The following CSMD1 variants were observed in gnomAD, a reference collection of about 807,000 sequenced individuals.
The protein encoded by CSMD1 is CUB and sushi domain-containing protein 1.
A neutral mutation model predicts 417.5 loss-of-function variants in CSMD1; 213 were observed. That is an observed-to-expected ratio of 0.51 (90% CI 0.46 to 0.57). CSMD1 has a LOEUF of 0.57. Among genes scored for constraint, CSMD1 ranks in the 20% least tolerant of loss-of-function variants. CSMD1 has a pLI of 0.00. For missense variants in CSMD1, 6,923 were observed against 4,529.7 expected, an observed-to-expected ratio of 1.53 and a Z score of -15.17; for synonymous variants, 2,862 against 1,736.8, an observed-to-expected ratio of 1.65 and a Z score of -16.11.
chr8:3,090,316 C>CAAAAAAAAAAAAAAAAA (rs35534326), intron 48 of CSMD1, among the ~76,000 whole-genome samples: 1 of 79,788 alleles, frequency 1.3e-5, no homozygotes, highest in African/African-American at 4.6e-5. Context: ...GACTGTATTT[C>CAAAAAAAAAAAAAAAAA]AAAAAAAAAA....
chr8:4,453,472 G>A (rs903838302), intron 2 of CSMD1, among the ~76,000 whole-genome samples: 8 of 152,306 alleles, frequency 5.3e-5, no homozygotes, highest in East Asian at 3.9e-4. Flanking sequence ...GTGATGCGAA[G>A]TCTGGCTGAA....
intron 3 of CSMD1, among the ~76,000 whole-genome samples, chr8:4,253,328 T>C (rs1167468588): frequency 6.6e-6 from 1 of 152,182 alleles, no homozygotes; most frequent in Non-Finnish European, 1.5e-5. Flanking sequence ...TTTTTTCCCC[T>C]ACTATAGAAC....
At chr8:4,661,060 G>T (rs1198497237) in intron 1 of CSMD1, among the ~76,000 whole-genome samples, 1 of 152,152 alleles carries the variant, frequency 6.6e-6, no homozygotes, top group African/African-American at 2.4e-5. Flanking sequence ...ACAGTTGGCA[G>T]TTTCTTTATA....
chr8:4,482,709 C>T (rs1457375591), intron 2 of CSMD1, among the ~76,000 whole-genome samples: 1 of 152,160 alleles, frequency 6.6e-6, no homozygotes, highest in Non-Finnish European at 1.5e-5. Context: ...TACACTCCCA[C>T]CAACAGTGTA....
At chr8:4,369,907 G>C (rs137902909) in intron 3 of CSMD1, among the ~76,000 whole-genome samples, 1 of 152,202 alleles carries the variant, frequency 6.6e-6, no homozygotes, top group East Asian at 1.9e-4. Context: ...TGGGTAAAAT[G>C]TATTTTATGC....
At chr8:4,186,990 A>G (rs1381168081) in intron 3 of CSMD1, among the ~76,000 whole-genome samples, 3 of 152,182 alleles carry the variant, frequency 2.0e-5, no homozygotes, top group Non-Finnish European at 4.4e-5. Context: ...TCAAAAAAAT[A>G]TAAATAAAAA....
intron 7 of CSMD1, among the ~76,000 whole-genome samples, chr8:3,629,154 G>A (rs189470081): frequency 3.9e-4 from 60 of 152,158 alleles, no homozygotes; most frequent in Admixed American, 5.9e-4. Context: ...GAAAGAACCC[G>A]GGATGTTCGC....
At chr8:3,635,339 T>G (rs1796981598) in intron 7 of CSMD1, among the ~76,000 whole-genome samples, 4 of 151,970 alleles carry the variant, frequency 2.6e-5, no homozygotes. Flanking sequence ...CCAGGCAAAG[T>G]GGTGCACACC....
intron 1 of CSMD1, among the ~76,000 whole-genome samples, chr8:4,968,470 C>T (rs192484707): frequency 6.6e-6 from 1 of 152,228 alleles, no homozygotes; most frequent in East Asian, 1.9e-4. Flanking sequence ...AAGACCTCTA[C>T]TGCATAGATT....
chr8:4,272,593 G>A (rs1427007075), intron 3 of CSMD1, among the ~76,000 whole-genome samples: 3 of 152,062 alleles, frequency 2.0e-5, no homozygotes, highest in South Asian at 4.1e-4. Flanking sequence ...TTTTTTGAAG[G>A]CAGGGCTTTT....
At chr8:3,262,230 T>TATATATATATATATACAC (rs770901446) in intron 26 of CSMD1, among the ~76,000 whole-genome samples, 3 of 95,686 alleles carry the variant, frequency 3.1e-5, no homozygotes, top group African/African-American at 8.9e-5. Flanking sequence ...TATATATATA[T>TATATATATATATATACAC]ACACACACAT....
intron 3 of CSMD1, among the ~76,000 whole-genome samples, chr8:4,147,426 T>C (rs376275170): frequency 2.6e-5 from 4 of 152,150 alleles, no homozygotes; most frequent in Non-Finnish European, 5.9e-5. Flanking sequence ...GAATGGCTTT[T>C]CCACCTACCT....
intron 3 of CSMD1, among the ~76,000 whole-genome samples, chr8:4,086,944 T>C (rs1263039226): frequency 3.3e-5 from 5 of 152,330 alleles, no homozygotes; most frequent in African/African-American, 1.2e-4. Context: ...ACCAGCTGTG[T>C]GGTTTGGGTA....
At chr8:3,378,224 C>T (rs1810431890) in intron 18 of CSMD1, among the ~76,000 whole-genome samples, 1 of 152,082 alleles carries the variant, frequency 6.6e-6, no homozygotes, top group Admixed American at 6.5e-5. Flanking sequence ...CTGAATAGAC[C>T]AAAAACAAGT....
intron 20 of CSMD1, 61 bp downstream of exon 20, chr8:3,366,971 C>T (rs920353451): frequency 1.3e-5 from 17 of 1,279,514 alleles, no homozygotes; most frequent in Admixed American, 3.8e-5. Flanking sequence ...CACACATTCT[C>T]ACTAACAGAA....
At chr8:4,149,560 AC>A (rs1429689120) in intron 3 of CSMD1, among the ~76,000 whole-genome samples, 1 of 152,228 alleles carries the variant, frequency 6.6e-6, no homozygotes, top group African/African-American at 2.4e-5. Flanking sequence ...AATTCTAAGT[AC>A]AGATCAAAAT....
At chr8:4,475,694 G>A (rs111789952) in intron 2 of CSMD1, among the ~76,000 whole-genome samples, 9,887 of 44,534 alleles carry the variant, frequency 0.22, 488 homozygotes, top group Middle Eastern at 0.33. Context: ...TCAGCTCACT[G>A]CAGCTGCCTC....
chr8:3,974,535 G>A (rs913082165), intron 5 of CSMD1, among the ~76,000 whole-genome samples: 2 of 151,926 alleles, frequency 1.3e-5, no homozygotes, highest in African/African-American at 4.8e-5. Context: ...TAGTTGTTTA[G>A]TTGTCTCAAA....
At chr8:4,756,598 T>C (rs1430272784) in intron 1 of CSMD1, among the ~76,000 whole-genome samples, 2 of 152,334 alleles carry the variant, frequency 1.3e-5, no homozygotes, top group Middle Eastern at 3.4e-3. Context: ...TTTTTGCAGA[T>C]GTATCTTCAC....
Sources: gnomAD v4.1 joint callset for allele counts (sites outside exome capture counted in the v4.1 genomes callset) on GRCh38, gnomAD v4.1.1 for gene constraint, MANE v1.5 for transcripts, NCBI Gene and HGNC (gene_info 2026-07-23, HGNC 2026-07-21) for gene names.